The following CCND2 variants were observed in gnomAD, a reference collection of about 807,000 sequenced individuals.
CCND2 encodes cyclin D2.
CCND2 carries 6 observed loss-of-function variants against 30.2 expected under a neutral mutation model. The ratio of observed to expected loss-of-function variants is 0.20; its 90% CI spans 0.11 to 0.39. CCND2 has a LOEUF of 0.39. Among genes scored for constraint, CCND2 ranks in the 10% least tolerant of loss-of-function variants. CCND2 has a pLI of 1.00. For missense variants in CCND2, 235 were observed against 373.4 expected, an observed-to-expected ratio of 0.63 and a Z score of 3.06; for synonymous variants, 150 against 153.1, an observed-to-expected ratio of 0.98 and a Z score of 0.15.
rs144942100 is a variant in CCND2 at position 4,278,663 on chromosome 12, G to A, written c.412-97G>A. 1.2e-5 allele frequency: 15 copies of A among 1,224,556 alleles called. No individual in the cohort carries two copies. In the African/African-American group the frequency reaches 2.1e-4, roughly 17 times the overall value. The allele number at this position is 1,224,556 out of a possible 1,614,324, so 75.9% of individuals were successfully genotyped here. A position where few individuals can be genotyped will look rare whatever the true frequency, so the allele number is the denominator to read the frequency against. Reference sequence around the variant, plus strand: ...TCTAGCAGCCACGTCCTAATGAGCGGCCTTAAAACTGGTCTGGAGCCCAAC... The same window carrying A: ...TCTAGCAGCCACGTCCTAATGAGCGACCTTAAAACTGGTCTGGAGCCCAAC... On this transcript the variant is annotated intron_variant, in intron 2 of 4. Coordinates refer to ENST00000261254, the MANE Select transcript of CCND2 (RefSeq NM_001759.4).
At chr12:4,286,493 C>T (rs1243225039) in intron 3 of CCND2, among the ~76,000 whole-genome samples, 3 of 152,158 alleles carry the variant, frequency 2.0e-5, no homozygotes, top group Admixed American at 1.3e-4. Context: ...TTCTGTGTAG[C>T]GGGCAACAGA....
chr12:4,290,196 C>T (rs1290219616), intron 4 of CCND2, among the ~76,000 whole-genome samples: 5 of 152,208 alleles, frequency 3.3e-5, no homozygotes, highest in Admixed American at 6.5e-5. Flanking sequence ...CCTCCTCGCC[C>T]GCCCACCTGG....
chr12:4,296,201 A>G (rs1253817462), intron 4 of CCND2, among the ~76,000 whole-genome samples: 1 of 152,226 alleles, frequency 6.6e-6, no homozygotes, highest in African/African-American at 2.4e-5. Flanking sequence ...CATGGCTGGC[A>G]ATGGTTAATT....
At chr12:4,291,235 T>TGTGTGTGTG (rs1555088220) in intron 4 of CCND2, among the ~76,000 whole-genome samples, 1 of 11,846 alleles carries the variant, frequency 8.4e-5, no homozygotes, top group African/African-American at 1.9e-4. Context: ...GTGTGTGTGT[T>TGTGTGTGTG]TATGCACCTT....
In CCND2 at chr12:4,278,936, G is replaced by A; in HGVS notation, c.571+17G>A. ...GTGCCACCGGTAAGATGAGGCTTGA[G>A]CCGGGGAGGGAGATGGGGGAGCTCT... On this transcript the variant is annotated intron_variant, in intron 3 of 4. Coordinates refer to ENST00000261254, the MANE Select transcript of CCND2 (RefSeq NM_001759.4). 5 of 1,596,762 alleles carry A rather than the reference G, an allele frequency of 3.1e-6. No individual in the cohort carries two copies. The highest frequency in any genetic ancestry group is 4.3e-6 in the Non-Finnish European group (5 of 1,167,588).
rs182223310 is a variant in CCND2, at chr12:4,300,041, G to T, written c.*32G>T. On this transcript the variant is annotated 3_prime_UTR_variant, in exon 5 of 5. Transcript: ENST00000261254. ...CAGTTGGGCCGAAAGAGAGAGACGC[G>T]TCCATAATCTGGTCTCTTCTTCTTT... 1.5e-5 allele frequency: 24 copies of T among 1,596,216 alleles called. No individual in the cohort carries two copies. Among genetic ancestry groups the T allele is most frequent in the Non-Finnish European group, 2.1e-5 (24 of 1,169,348 alleles).
In CCND2 at chr12:4,293,365, T is replaced by G. The variant is rs1056187447; in HGVS notation, c.720+4375T>G. Among the ~76,000 whole-genome samples the G allele has an allele frequency of 3.9e-5, 6 of 152,192 alleles. No individual in the cohort carries two copies. The highest frequency in any genetic ancestry group is 7.3e-5 in the Non-Finnish European group (5 of 68,036). On this transcript the variant is annotated intron_variant, in intron 4 of 4. Transcript: ENST00000261254. This position sits in a 1 kb window ranked among gnomAD's most constrained non-coding sequence, Gnocchi z 4.9. The stretch of plus-strand genomic sequence containing the variant: ...TGTTCCTTATATTTATCCTTTTTTG[T>G]CTAAGTCACATCAAAACTCTTTGTC...
rs143845152 is a variant in CCND2 at position 4,293,754 on chromosome 12, G to A, written c.720+4764G>A. On this transcript the variant is annotated intron_variant, in intron 4 of 4. Transcript: ENST00000261254. The surrounding 1 kb of genome is among the most constrained non-coding windows in gnomAD (Gnocchi z 4.9). ...GTTTAGCATTGTGTGTTTCTGCTCC[G>A]TAGCTGGAAGTGCCGCCACCCTCGC... 5.3e-4 allele frequency among the ~76,000 whole-genome samples: 80 copies of A among 152,294 alleles called. 2 individuals are homozygous for A. Among genetic ancestry groups the A allele is most frequent in the Non-Finnish European group, 4.9e-4 (33 of 68,022 alleles).
chr12:4,289,459 C>T (rs1299319096), intron 4 of CCND2, among the ~76,000 whole-genome samples: 2 of 152,162 alleles, frequency 1.3e-5, no homozygotes, highest in Non-Finnish European at 2.9e-5. Context: ...GAACGGTGTC[C>T]GTCCCTGGCA....
At position 4,299,764 on chromosome 12, in the gene CCND2, C is replaced by A; in HGVS notation, c.721-96C>A. 1 of 1,215,428 alleles carries A rather than the reference C, an allele frequency of 8.2e-7. No individual in the cohort carries two copies. Among genetic ancestry groups the A allele is most frequent in the Non-Finnish European group, 1.2e-6 (1 of 864,836 alleles). 75.3% of individuals were successfully genotyped at this position (1,215,428 alleles called of 1,614,324 possible). A position where few individuals can be genotyped will look rare whatever the true frequency, so the allele number is the denominator to read the frequency against. On this transcript the variant is annotated intron_variant, in intron 4 of 4. Coordinates refer to ENST00000261254, the MANE Select transcript of CCND2 (RefSeq NM_001759.4). The surrounding 1 kb of genome is among the most constrained non-coding windows in gnomAD (Gnocchi z 5.2). ...CATTTATTTCTACTGGAAACTAGCA[C>A]AGACTTATGCAAGCTAAATTACGCA...
intron 4 of CCND2, among the ~76,000 whole-genome samples, chr12:4,296,505 C>G (rs981175343): frequency 6.6e-6 from 1 of 152,268 alleles, no homozygotes. Flanking sequence ...TCTACCACGC[C>G]TCGTGTGCAC....
chr12:4,290,834 T>C (rs549668954), intron 4 of CCND2, among the ~76,000 whole-genome samples: 25 of 152,350 alleles, frequency 1.6e-4, no homozygotes, highest in African/African-American at 5.5e-4. Context: ...TGATACTACG[T>C]AGCCAGTCCA....
intron 4 of CCND2, among the ~76,000 whole-genome samples, chr12:4,296,193 T>C (rs569236115): frequency 2.6e-4 from 39 of 152,372 alleles, no homozygotes; most frequent in African/African-American, 8.9e-4. Context: ...CATGCTGGCA[T>C]GGCTGGCAAT....
In CCND2 at chr12:4,305,077, G is replaced by T. The variant is rs1430085067; in HGVS notation, c.*5068G>T. On this transcript the variant is annotated 3_prime_UTR_variant, in exon 5 of 5. Coordinates refer to ENST00000261254, the MANE Select transcript of CCND2 (RefSeq NM_001759.4). This position sits in a 1 kb window ranked among gnomAD's most constrained non-coding sequence, Gnocchi z 6.4. ...TCTCTCACAGTGTACTCTATAAGAG[G>T]TGTGGGTGTCTGTTTGGTCAGGATG... is the stretch of plus-strand genomic sequence containing the variant. 8.6e-6 allele frequency: 2 copies of T among 233,044 alleles called. No homozygotes were observed. The highest frequency in any genetic ancestry group is 1.7e-5 in the Non-Finnish European group (2 of 117,958). 14.4% of individuals were successfully genotyped at this position (233,044 alleles called of 1,614,324 possible). A position where few individuals can be genotyped will look rare whatever the true frequency, so the allele number is the denominator to read the frequency against.
chr12:4,277,075 T>G (rs1863884468), intron 2 of CCND2, among the ~76,000 whole-genome samples: 1 of 152,204 alleles, frequency 6.6e-6, no homozygotes, highest in African/African-American at 2.4e-5. Flanking sequence ...CTTCTTGAAC[T>G]GAGCTCTTTG....
chr12:4,292,320 G>A (rs982466543), intron 4 of CCND2, among the ~76,000 whole-genome samples: 20 of 152,126 alleles, frequency 1.3e-4, no homozygotes, highest in South Asian at 2.1e-4. Context: ...ATTGACAAAC[G>A]GGAATCAGGA....
Position 4,276,868 on chromosome 12 carries a change from A to G in CCND2, c.411+648A>G, listed in dbSNP as rs1216446031. Among the ~76,000 whole-genome samples, 2 of 152,116 alleles carry G rather than the reference A, an allele frequency of 1.3e-5. No homozygotes were observed. Among genetic ancestry groups the G allele is most frequent in the Non-Finnish European group, 1.5e-5 (1 of 68,022 alleles). ...TACCAGGGAACCTTTTTCCCACCTG[A>G]TCTAACTCCTTTTCCCTGCAGCTTG... On this transcript the variant is annotated intron_variant, in intron 2 of 4. Coordinates refer to ENST00000261254, the MANE Select transcript of CCND2 (RefSeq NM_001759.4). The surrounding 1 kb of genome is among the most constrained non-coding windows in gnomAD (Gnocchi z 4.8).
At chr12:4,281,483 G>T (rs1328480505) in intron 3 of CCND2, among the ~76,000 whole-genome samples, 1 of 152,198 alleles carries the variant, frequency 6.6e-6, no homozygotes, top group African/African-American at 2.4e-5. Flanking sequence ...GGTAGGAGAT[G>T]CAGATTCCCC....
At chr12:4,284,349 G>A (rs1273403779) in intron 3 of CCND2, among the ~76,000 whole-genome samples, 1 of 152,220 alleles carries the variant, frequency 6.6e-6, no homozygotes, top group African/African-American at 2.4e-5. Flanking sequence ...TCACACACTT[G>A]GTAGGTGGTG....
Sources: allele counts gnomAD v4.1 joint callset (sites outside exome capture counted in the v4.1 genomes callset), GRCh38; gene constraint gnomAD v4.1.1; non-coding constraint Gnocchi (gnomAD v3.1); transcripts MANE v1.5; gene names NCBI Gene and HGNC (gene_info 2026-07-23, HGNC 2026-07-21).